Variants in EMSY observed in about 807,000 individuals in gnomAD.
The protein encoded by EMSY is EMSY transcriptional repressor, BRCA2 interacting.
In EMSY, 26 loss-of-function variants were observed where a neutral mutation model predicts 134.6. The ratio of observed to expected loss-of-function variants is 0.19; its 90% confidence interval spans 0.14 to 0.27. The LOEUF is 0.27. Ranked by LOEUF, EMSY falls within the 10% of genes least tolerant of loss-of-function variation. The pLI, the probability that EMSY is intolerant of heterozygous loss-of-function variation, is 1.00. For missense variants in EMSY, 1,305 were observed against 1,611.4 expected (o/e 0.81, Z 3.26); for synonymous variants, 579 against 577.8 (o/e 1.00, Z -0.03).
intron 8 of EMSY, among the ~76,000 whole-genome samples, chr11:76,484,947 A>G (rs569765956): frequency 2.7e-4 from 41 of 151,334 alleles, no homozygotes; most frequent in South Asian, 6.2e-4. Flanking sequence ...AAAAAAACCT[A>G]GAAGAAATGG....
At chr11:76,482,313 GA>G (rs1233187466) in intron 8 of EMSY, among the ~76,000 whole-genome samples, 1 of 152,210 alleles carries the variant, frequency 6.6e-6, no homozygotes, top group Non-Finnish European at 1.5e-5. Flanking sequence ...CAGAAAGGCT[GA>G]AAATTCCAAA....
At chr11:76,500,386 T>C (rs1949815355) in intron 9 of EMSY, among the ~76,000 whole-genome samples, 1 of 152,128 alleles carries the variant, frequency 6.6e-6, no homozygotes, top group African/African-American at 2.4e-5. Context: ...AGTTCAAGAC[T>C]AAGGGCATTC....
intron 6 of EMSY, 34 bp from the exon 8 acceptor site, chr11:76,463,787 G>A: frequency 6.2e-7 from 1 of 1,607,398 alleles, no homozygotes; most frequent in South Asian, 1.1e-5. Context: ...GATTAGTTTG[G>A]TATACATATA....
chr11:76,536,162 T>A (rs1951218409), intron 15 of EMSY, 103 bp downstream of exon 16: 2 of 757,796 alleles, frequency 2.6e-6, no homozygotes, highest in African/African-American at 1.8e-5. Flanking sequence ...TTATTTATTA[T>A]TATTATTGCT....
intron 9 of EMSY, among the ~76,000 whole-genome samples, chr11:76,498,676 G>T (rs1949740926): frequency 6.6e-6 from 1 of 151,594 alleles, no homozygotes; most frequent in Admixed American, 6.6e-5. Context: ...AATTTAACTT[G>T]TAAAGTCTGC....
chr11:76,489,474 C>T (rs1020063353), intron 8 of EMSY, among the ~76,000 whole-genome samples: 2 of 151,898 alleles, frequency 1.3e-5, no homozygotes, highest in Admixed American at 6.6e-5. Flanking sequence ...ATGGATTAAC[C>T]CCCTTTTCAT....
At chr11:76,454,243 C>T (rs10899219) in intron 4 of EMSY, among the ~76,000 whole-genome samples, 61,161 of 151,784 alleles carry the variant, frequency 0.4, 12,715 homozygotes, top group South Asian at 0.51. Flanking sequence ...TTGAATTGAC[C>T]CCAAAGAGCT....
At chr11:76,510,232 A>T (rs1950226403) in intron 9 of EMSY, among the ~76,000 whole-genome samples, 1 of 152,180 alleles carries the variant, frequency 6.6e-6, no homozygotes, top group Admixed American at 6.5e-5. Flanking sequence ...ATATGCTTGT[A>T]TTCCCAGCTA....
At chr11:76,507,142 A>G (rs780282139) in intron 9 of EMSY, among the ~76,000 whole-genome samples, 20 of 152,230 alleles carry the variant, frequency 1.3e-4, no homozygotes, top group Admixed American at 4.6e-4. Context: ...AAAAATGTAC[A>G]TACCTTAATT....
chr11:76,447,066 C>T (rs1947446213), intron 2 of EMSY, 58 bp downstream of exon 2: 1 of 1,537,362 alleles, frequency 6.5e-7, no homozygotes, highest in Non-Finnish European at 9.0e-7. Context: ...CCCTTTCTGC[C>T]TAGGTCATAG....
intron 9 of EMSY, among the ~76,000 whole-genome samples, chr11:76,498,295 G>A (rs1949727990): frequency 6.6e-6 from 1 of 152,076 alleles, no homozygotes; most frequent in Admixed American, 6.5e-5. Context: ...CTATGCTGCC[G>A]ATGTTGGGTG....
intron 8 of EMSY, among the ~76,000 whole-genome samples, chr11:76,488,440 C>A (rs5023625): frequency 0.54 from 81,939 of 151,982 alleles, 23,211 homozygotes; most frequent in South Asian, 0.67. Context: ...GCACTCTAGC[C>A]TGGGCATTAA....
chr11:76,467,632 G>T (rs1266589518), intron 7 of EMSY, among the ~76,000 whole-genome samples: 1 of 152,148 alleles, frequency 6.6e-6, no homozygotes, highest in Non-Finnish European at 1.5e-5. Context: ...ATTAATGAAT[G>T]AATAGAAGTA....
At position 76,548,643 on chromosome 11, in the gene EMSY, A is replaced by T. The variant is rs1224782064; in HGVS notation, c.3775-1309A>T. Among the ~76,000 whole-genome samples, 4 of 152,214 alleles carry T rather than the reference A, an allele frequency of 2.6e-5. No individual in the cohort carries two copies. In the East Asian group the frequency reaches 7.7e-4, roughly 29 times the overall value. ...CACAGCAAGCCAGAGACAAAGCTGA[A>T]CTAAAATCCAGGCCTCTTGACCTTG... On this transcript the variant is annotated intron_variant, in intron 20 of 20. Coordinates refer to ENST00000334736, the Ensembl canonical transcript of EMSY.
At chr11:76,501,589 G>C (rs1448737308) in intron 9 of EMSY, among the ~76,000 whole-genome samples, 1 of 123,170 alleles carries the variant, frequency 8.1e-6, no homozygotes, top group Non-Finnish European at 1.8e-5. Context: ...ATCTGAACTG[G>C]CAGAAGAAAG....
intron 9 of EMSY, among the ~76,000 whole-genome samples, chr11:76,502,439 A>G (rs894932417): frequency 6.7e-6 from 1 of 149,044 alleles, no homozygotes; most frequent in African/African-American, 2.5e-5. Context: ...AGATGACATG[A>G]TCCTTTATAT....
intron 8 of EMSY, 125 bp downstream of exon 9, chr11:76,472,965 C>T (rs1168256757): frequency 1.1e-6 from 1 of 926,822 alleles, no homozygotes; most frequent in Admixed American, 2.6e-5. Context: ...GATCACCACC[C>T]CGTGTACCCC....
At chr11:76,546,932 G>C (rs1591035153) in intron 20 of EMSY, 1 of 349,262 alleles carries the variant, frequency 2.9e-6, no homozygotes, top group East Asian at 8.7e-5. Context: ...GCCTTGGTAA[G>C]TACAGGCTAA....
intron 2 of EMSY, 126 bp downstream of exon 2, chr11:76,447,134 C>G (rs745973291): frequency 2.4e-6 from 2 of 837,066 alleles, no homozygotes; most frequent in South Asian, 3.6e-5. Context: ...AGATACAGTT[C>G]CCATCTTACT....
Sources: gnomAD v4.1 joint callset for allele counts (sites outside exome capture counted in the v4.1 genomes callset) on GRCh38, gnomAD v4.1.1 for gene constraint, MANE v1.5 for transcripts, NCBI Gene and HGNC (gene_info 2026-07-23, HGNC 2026-07-21) for gene names.